HS6ST3: variants seen among roughly 807,000 people sequenced by gnomAD.
HS6ST3 encodes the protein heparan-sulfate 6-O-sulfotransferase 3.
A neutral mutation model predicts 36.7 loss-of-function variants in HS6ST3; 12 were observed. The ratio of observed to expected loss-of-function variants is 0.33; its 90% CI spans 0.21 to 0.53. HS6ST3 has a LOEUF of 0.53. HS6ST3 is among the 20% of genes least tolerant of loss of function. The pLI, the probability that HS6ST3 is intolerant of heterozygous loss-of-function variation, is 0.95. For synonymous variants in HS6ST3, 240 were observed against 257.5 expected (o/e 0.93, Z 0.65); for missense variants, 584 against 640.9 (o/e 0.91, Z 0.96).
intron 1 of HS6ST3, among the ~76,000 whole-genome samples, chr13:96,254,502 C>T (rs1359391453): frequency 7.0e-4 from 14 of 20,110 alleles, no homozygotes; most frequent in Admixed American, 5.5e-3. Context: ...TATATATACA[C>T]ATACATACAC....
At chr13:96,433,350 G>T (rs188138936) in intron 1 of HS6ST3, among the ~76,000 whole-genome samples, 2 of 152,136 alleles carry the variant, frequency 1.3e-5, no homozygotes, top group African/African-American at 4.8e-5. Context: ...TGGTTTGGCT[G>T]TGTCCCCACC....
chr13:96,514,306 G>C (rs1220138736), intron 1 of HS6ST3, among the ~76,000 whole-genome samples: 1 of 152,136 alleles, frequency 6.6e-6, no homozygotes, highest in Non-Finnish European at 1.5e-5. Context: ...AGGATTTGGT[G>C]ATTAATTCAA....
intron 1 of HS6ST3, among the ~76,000 whole-genome samples, chr13:96,592,287 A>C (rs2056385167): frequency 6.6e-6 from 1 of 152,106 alleles, no homozygotes; most frequent in Non-Finnish European, 1.5e-5. Flanking sequence ...AGCTAACAAA[A>C]TCTCTATACC....
At chr13:96,593,703 G>T (rs1274805489) in intron 1 of HS6ST3, among the ~76,000 whole-genome samples, 2 of 151,310 alleles carry the variant, frequency 1.3e-5, no homozygotes, top group East Asian at 3.9e-4. Flanking sequence ...GATTTATTTT[G>T]AATTTTTTTG....
intron 1 of HS6ST3, among the ~76,000 whole-genome samples, chr13:96,519,940 C>T (rs2056086792): frequency 6.6e-6 from 1 of 152,026 alleles, no homozygotes; most frequent in African/African-American, 2.4e-5. Context: ...TTTGATTTTC[C>T]CCAGCCTTTC....
intron 1 of HS6ST3, among the ~76,000 whole-genome samples, chr13:96,399,474 A>G (rs2055438443): frequency 6.6e-6 from 1 of 152,230 alleles, no homozygotes. Context: ...GCCTCTATGC[A>G]TTTTGGAATC....
intron 1 of HS6ST3, among the ~76,000 whole-genome samples, chr13:96,219,981 CCACAGG>C (rs753914035): frequency 2.0e-5 from 3 of 152,320 alleles, no homozygotes; most frequent in East Asian, 1.9e-4. Flanking sequence ...AGCTCCCAGC[CCACAGG>C]TAGGATTCTT....
chr13:96,605,758 G>A (rs1406033259), intron 1 of HS6ST3, among the ~76,000 whole-genome samples: 1 of 151,890 alleles, frequency 6.6e-6, no homozygotes, highest in East Asian at 1.9e-4. Flanking sequence ...TGTTTGGTGA[G>A]CTTGTTTACA....
chr13:96,105,991 G>A (rs2053839803), intron 1 of HS6ST3, among the ~76,000 whole-genome samples: 2 of 152,322 alleles, frequency 1.3e-5, no homozygotes, highest in South Asian at 4.1e-4. Context: ...GAACAAGGCA[G>A]GCAGTGAAGG....
In HS6ST3 at chr13:96,682,257, G is replaced by A. The variant is rs2056721042; in HGVS notation, c.708-150233G>A. Among the ~76,000 whole-genome samples, 5 of 152,160 alleles carry A rather than the reference G, an allele frequency of 3.3e-5. No homozygotes were observed. In the South Asian group the frequency reaches 1.0e-3, roughly 32 times the overall value. On this transcript the variant is annotated intron_variant, in intron 1 of 1. Coordinates refer to ENST00000376705, the MANE Select transcript of HS6ST3 (RefSeq NM_153456.4). The stretch of plus-strand genomic sequence containing the variant: ...AATACATACTGAACTCATTGAAATT[G>A]TGTTTGTGCATAAATATTTAGGGGG...
At chr13:96,385,093 C>T (rs756688481) in intron 1 of HS6ST3, among the ~76,000 whole-genome samples, 16 of 150,504 alleles carry the variant, frequency 1.1e-4, no homozygotes, top group African/African-American at 2.7e-4. Context: ...GCAAGAGAAT[C>T]GCTTGAACCC....
intron 1 of HS6ST3, among the ~76,000 whole-genome samples, chr13:96,775,689 C>A (rs547045139): frequency 6.6e-6 from 1 of 152,178 alleles, no homozygotes; most frequent in African/African-American, 2.4e-5. Context: ...ATTAATAAAG[C>A]AAGTTCTTAC....
chr13:96,655,367 A>C (rs1416388605), intron 1 of HS6ST3, among the ~76,000 whole-genome samples: 1 of 152,142 alleles, frequency 6.6e-6, no homozygotes, highest in Admixed American at 6.6e-5. Flanking sequence ...AAAGTGTTGG[A>C]AAGCAAAAGA....
chr13:96,510,954 C>T (rs1044380742), intron 1 of HS6ST3, among the ~76,000 whole-genome samples: 2 of 152,010 alleles, frequency 1.3e-5, no homozygotes, highest in African/African-American at 4.8e-5. Flanking sequence ...TATGTTTCTG[C>T]ATGTATCATC....
chr13:96,091,408 G>A lies in HS6ST3; in HGVS notation c.546G>A (p.Lys182=). The change falls in exon 1 of 2, where the codon AAG becomes AAA. Residue 182 remains lysine, a synonymous_variant. Coordinates refer to ENST00000376705, the MANE Select transcript of HS6ST3 (RefSeq NM_153456.4). ...EQPCSCKAGQ[K]KCTCHRPGKK... ...CTTGTAGCTGCAAAGCGGGTCAGAA[G>A]AAGTGCACCTGCCACCGGCCTGGCA... 1 of 1,613,486 alleles carries A rather than the reference G, an allele frequency of 6.2e-7. No individual in the cohort carries two copies. The highest frequency in any genetic ancestry group is 8.5e-7 in the Non-Finnish European group (1 of 1,179,848).
intron 1 of HS6ST3, among the ~76,000 whole-genome samples, chr13:96,303,122 G>A (rs1008355952): frequency 1.3e-5 from 2 of 152,140 alleles, no homozygotes; most frequent in Non-Finnish European, 2.9e-5. Flanking sequence ...TATTGAATTG[G>A]AAGTTTCTAT....
At chr13:96,459,310 G>GA (rs1438181734) in intron 1 of HS6ST3, among the ~76,000 whole-genome samples, 1 of 151,746 alleles carries the variant, frequency 6.6e-6, no homozygotes, top group African/African-American at 2.4e-5. Flanking sequence ...AGGAAAGGAA[G>GA]AAAAAATGCT....
At chr13:96,614,477 A>G (rs2056467381) in intron 1 of HS6ST3, among the ~76,000 whole-genome samples, 1 of 151,988 alleles carries the variant, frequency 6.6e-6, no homozygotes, top group Admixed American at 6.6e-5. Flanking sequence ...GTTAAGAGCA[A>G]AATAGGGCCA....
intron 1 of HS6ST3, among the ~76,000 whole-genome samples, chr13:96,153,016 T>C (rs2054094578): frequency 1.3e-5 from 2 of 152,198 alleles, no homozygotes. Context: ...GTTACCACTC[T>C]TCAGTAGCAC....
Sources: gnomAD v4.1 joint callset for allele counts (sites outside exome capture counted in the v4.1 genomes callset) on GRCh38, gnomAD v4.1.1 for gene constraint, MANE v1.5 for transcripts, NCBI Gene and HGNC (gene_info 2026-07-23, HGNC 2026-07-21) for gene names.